USP34: variants seen among roughly 807,000 people sequenced by gnomAD.
The protein encoded by USP34 is ubiquitin carboxyl-terminal hydrolase 34.
USP34 carries 70 observed loss-of-function variants against 460.3 expected under a neutral mutation model. The observed-to-expected ratio is 0.15, with a 90% CI of 0.13 to 0.19. The LOEUF (loss-of-function observed/expected upper bound fraction) is 0.19, where lower values mean the gene tolerates loss of function less well. Ranked by LOEUF, USP34 falls within the 10% of genes least tolerant of loss-of-function variation. USP34 has a pLI of 1.00. For missense variants in USP34, 3,985 were observed against 4,236.2 expected, an observed-to-expected ratio of 0.94 and a Z score of 1.65; for synonymous variants, 1,647 against 1,405.3, an observed-to-expected ratio of 1.17 and a Z score of -3.85.
chr2:61,268,305 G>C (rs1689112722), intron 41 of USP34, among the ~76,000 whole-genome samples: 2 of 151,766 alleles, frequency 1.3e-5, no homozygotes, highest in African/African-American at 4.8e-5. Context: ...ATGGTGAAAT[G>C]TGCTCCCCAA....
At chr2:61,394,595 A>G (rs1235868782) in intron 5 of USP34, among the ~76,000 whole-genome samples, 1 of 151,866 alleles carries the variant, frequency 6.6e-6, no homozygotes, top group Non-Finnish European at 1.5e-5. Context: ...AGTTTTATGC[A>G]GTCACCTATC....
intron 53 of USP34, among the ~76,000 whole-genome samples, chr2:61,239,545 G>A (rs1004880816): frequency 6.6e-6 from 1 of 152,234 alleles, no homozygotes; most frequent in East Asian, 1.9e-4. Flanking sequence ...CAAATTAATT[G>A]TGGTTATGAT....
At chr2:61,267,395 G>A (rs924875441) in intron 41 of USP34, among the ~76,000 whole-genome samples, 7 of 151,188 alleles carry the variant, frequency 4.6e-5, no homozygotes, top group African/African-American at 1.7e-4. Flanking sequence ...ATAGTTCTTA[G>A]CAAAGAAACG....
intron 3 of USP34, among the ~76,000 whole-genome samples, chr2:61,398,835 A>T (rs1693623070): frequency 6.6e-6 from 1 of 152,208 alleles, no homozygotes. Context: ...CCTTAGAGAA[A>T]TGAAGTCTCA....
At position 61,339,644 on chromosome 2, in the gene USP34, A is replaced by G; in HGVS notation, c.2538T>C (p.Ala846=). 1 of 1,566,518 alleles carries G rather than the reference A, an allele frequency of 6.4e-7. No homozygotes were observed. Among genetic ancestry groups the G allele is most frequent in the Non-Finnish European group, 8.6e-7 (1 of 1,163,450 alleles). ...VVHKHQFNSN[A]VTDINLDNVC... is the part of the protein sequence containing the mutation. ...CATTATCCAAATTAATGTCTGTAAC[A>G]GCATTACTGTTGAATTGATGTTTAT... The change falls in exon 17 of 80, where the codon GCT becomes GCC. Residue 846 remains alanine (A), a synonymous_variant. Coordinates refer to ENST00000398571, the MANE Select transcript of USP34 (RefSeq NM_014709.4).
intron 53 of USP34, among the ~76,000 whole-genome samples, chr2:61,237,508 T>A (rs1016997074): frequency 6.6e-6 from 1 of 151,408 alleles, no homozygotes; most frequent in African/African-American, 2.4e-5. Context: ...TGTTTGATAG[T>A]CCTTTTTATA....
At chr2:61,198,796 G>C (rs1048842712) in intron 75 of USP34, among the ~76,000 whole-genome samples, 3 of 152,158 alleles carry the variant, frequency 2.0e-5, no homozygotes, top group Admixed American at 6.5e-5. Flanking sequence ...TTGAACCCGG[G>C]AGGTGGAGGA....
rs1691342657 is a variant in USP34, at chr2:61,333,863, T to C, written c.2834+19A>G. ...AAAAAAATCTTTAAAATAAATACTT[T>C]TTTCTTTTATTTACTTACATTGTTA... On this transcript the variant is annotated intron_variant, in intron 19 of 79. Transcript: ENST00000398571. 2.1e-6 allele frequency: 3 copies of C among 1,451,132 alleles called. No individual in the cohort carries two copies. Among genetic ancestry groups the C allele is most frequent in the South Asian group, 2.9e-5 (2 of 69,038 alleles). 89.9% of individuals were successfully genotyped at this position (1,451,132 alleles called of 1,614,324 possible).
At chr2:61,205,299 A>C (rs1201175350) in intron 72 of USP34, among the ~76,000 whole-genome samples, 4 of 152,198 alleles carry the variant, frequency 2.6e-5, no homozygotes, top group African/African-American at 9.7e-5. Flanking sequence ...CTGATTCTCA[A>C]TCTCCAATCA....
rs563181630 is a variant in USP34 at position 61,227,216 on chromosome 2, A to T, written c.7446T>A (p.Pro2482=). Residue 2482 remains proline (P), a splice_region_variant and synonymous_variant, in exon 62 of 80, where the codon CCT becomes CCA. Transcript: ENST00000398571. The stretch of plus-strand genomic sequence containing the variant: ...CTTCCTCTGATAACACTTCAACTTG[A>T]GGCTAAGTTGGAATAAAATTCAATT... The part of the protein sequence containing the change: ...FYMGTKGPEN[P]QVEVLSEEEG... The T allele has an allele frequency of 1.2e-6, 2 of 1,608,558 alleles. No individual in the cohort carries two copies. Among genetic ancestry groups the T allele is most frequent in the Non-Finnish European group, 1.7e-6 (2 of 1,177,336 alleles).
At position 61,236,405 on chromosome 2, in the gene USP34, T is replaced by C. The variant is rs1297300358; in HGVS notation, c.6778-16A>G. 2 of 1,563,642 alleles carry C rather than the reference T, an allele frequency of 1.3e-6. No individual in the cohort carries two copies. The highest frequency in any genetic ancestry group is 3.8e-5 in the Admixed American group (2 of 52,258). ...GCCAAATCCACTGAAAATAAAAATG[T>C]TAACATTAGTGATAAAGCAGTTTAC... On this transcript the variant is annotated splice_polypyrimidine_tract_variant and intron_variant, in intron 53 of 79. Coordinates refer to ENST00000398571, the MANE Select transcript of USP34 (RefSeq NM_014709.4).
intron 31 of USP34, 22 bp from the exon 32 acceptor site, chr2:61,295,054 T>G (rs949400125): frequency 6.2e-7 from 1 of 1,606,580 alleles, no homozygotes; most frequent in African/African-American, 1.3e-5. Context: ...GCAAAAAAAG[T>G]AAGGCAGAAT....
intron 12 of USP34, 89 bp downstream of exon 12, chr2:61,350,171 A>T (rs933505865): frequency 7.4e-7 from 1 of 1,355,488 alleles, no homozygotes; most frequent in African/African-American, 1.5e-5. Context: ...TTTAAAATAA[A>T]GATTGAACTG....
At chr2:61,246,962 G>C (rs1330272774) in intron 49 of USP34, among the ~76,000 whole-genome samples, 1 of 152,096 alleles carries the variant, frequency 6.6e-6, no homozygotes, top group East Asian at 1.9e-4. Flanking sequence ...GTTAAGAAAA[G>C]TGGTTTAAAC....
At chr2:61,458,622 GAA>G (rs59134299) in intron 1 of USP34, among the ~76,000 whole-genome samples, 4,564 of 113,194 alleles carry the variant, frequency 0.04, 219 homozygotes, top group African/African-American at 0.12. Flanking sequence ...AGGCAAAAAG[GAA>G]AAAAAAAAAA....
intron 75 of USP34, among the ~76,000 whole-genome samples, chr2:61,197,521 C>T (rs1347867498): frequency 2.0e-5 from 3 of 152,226 alleles, no homozygotes; most frequent in East Asian, 3.9e-4. Context: ...CAATGTTTTC[C>T]GCAACTTCAG....
At chr2:61,372,453 G>T (rs984968816) in intron 8 of USP34, among the ~76,000 whole-genome samples, 2 of 152,092 alleles carry the variant, frequency 1.3e-5, no homozygotes, top group African/African-American at 4.8e-5. Flanking sequence ...ACCCAGGCTG[G>T]TGCTGTGGTT....
intron 44 of USP34, among the ~76,000 whole-genome samples, chr2:61,258,910 A>G (rs1471946469): frequency 6.6e-6 from 1 of 152,222 alleles, no homozygotes. Context: ...ACAAATTAAC[A>G]GAATGTAGAC....
At chr2:61,362,928 AAC>A (rs1375037725) in intron 10 of USP34, among the ~76,000 whole-genome samples, 2 of 152,204 alleles carry the variant, frequency 1.3e-5, no homozygotes, top group Admixed American at 6.5e-5. Flanking sequence ...TAAAAAGAAA[AAC>A]AGACTTAGAG....
Sources: allele counts gnomAD v4.1 joint callset (sites outside exome capture counted in the v4.1 genomes callset), GRCh38; gene constraint gnomAD v4.1.1; transcripts MANE v1.5; gene names NCBI Gene and HGNC (gene_info 2026-07-23, HGNC 2026-07-21).